Variants in ZBTB7C observed in about 807,000 individuals in gnomAD.
ZBTB7C encodes the protein zinc finger and BTB domain containing 7C, also known as zinc finger and BTB domain-containing protein 7C.
Under a neutral mutation model 25.7 loss-of-function variants are expected in ZBTB7C, and 8 were observed. The ratio of observed to expected loss-of-function variants is 0.31; its 90% CI spans 0.18 to 0.56. The LOEUF is 0.56. Ranked by LOEUF, ZBTB7C falls within the 20% of genes least tolerant of loss-of-function variation. The pLI, the probability that ZBTB7C is intolerant of heterozygous loss-of-function variation, is 0.91. For synonymous variants in ZBTB7C, 394 were observed against 369.0 expected (o/e 1.07, Z -0.78); for missense variants, 824 against 855.2 (o/e 0.96, Z 0.46).
At chr18:48,408,982 T>G (rs1053360866) in intron 1 of ZBTB7C, among the ~76,000 whole-genome samples, 9 of 138,770 alleles carry the variant, frequency 6.5e-5, no homozygotes, top group African/African-American at 2.4e-4. Flanking sequence ...AGCCCCTGAA[T>G]AGCCACCGCA....
At chr18:48,224,889 C>A (rs1458377246) in intron 2 of ZBTB7C, among the ~76,000 whole-genome samples, 1 of 152,206 alleles carries the variant, frequency 6.6e-6, no homozygotes, top group Admixed American at 6.5e-5. Flanking sequence ...TCTGTTAACT[C>A]AAGCAACTAC....
intron 3 of ZBTB7C, among the ~76,000 whole-genome samples, chr18:48,079,767 A>T (rs950367390): frequency 5.3e-5 from 8 of 152,164 alleles, no homozygotes; most frequent in Non-Finnish European, 1.0e-4. Flanking sequence ...CTGCCATTCC[A>T]CTTCGTGGGG....
At chr18:48,382,018 C>T (rs920105720) in intron 1 of ZBTB7C, among the ~76,000 whole-genome samples, 1 of 152,206 alleles carries the variant, frequency 6.6e-6, no homozygotes, top group African/African-American at 2.4e-5. Flanking sequence ...GCTTGTTATC[C>T]ATTGATGGGG....
chr18:48,035,787 C>T (rs554673402), intron 4 of ZBTB7C, among the ~76,000 whole-genome samples: 29 of 152,368 alleles, frequency 1.9e-4, no homozygotes, highest in African/African-American at 5.3e-4. Flanking sequence ...GCCATCCTAA[C>T]CTTTGGCTCC....
chr18:48,294,368 C>T (rs2045329206), intron 2 of ZBTB7C, among the ~76,000 whole-genome samples: 1 of 149,448 alleles, frequency 6.7e-6, no homozygotes, highest in Non-Finnish European at 1.5e-5. Context: ...CACTCCCAGG[C>T]CCCGTTCCTA....
intron 3 of ZBTB7C, among the ~76,000 whole-genome samples, chr18:48,107,476 C>T (rs984152124): frequency 1.3e-5 from 2 of 152,032 alleles, no homozygotes; most frequent in African/African-American, 4.8e-5. Context: ...ACTAACACAG[C>T]ACTGCCAGGC....
At chr18:48,152,069 T>A (rs2040696409) in intron 3 of ZBTB7C, among the ~76,000 whole-genome samples, 1 of 152,090 alleles carries the variant, frequency 6.6e-6, no homozygotes, top group Non-Finnish European at 1.5e-5. Context: ...CTTAGGAGTC[T>A]GAATATGGTG....
chr18:48,278,942 TG>T (rs2044749165), intron 2 of ZBTB7C, among the ~76,000 whole-genome samples: 1 of 149,714 alleles, frequency 6.7e-6, no homozygotes, highest in African/African-American at 2.5e-5. Flanking sequence ...TTTGCTTTCT[TG>T]TTTTTTTTTT....
chr18:48,308,916 CAG>C (rs143568410), intron 2 of ZBTB7C, among the ~76,000 whole-genome samples: 5,204 of 152,202 alleles, frequency 0.034, 169 homozygotes, highest in African/African-American at 0.084. Context: ...ATGCTTAAGT[CAG>C]AGAACCAAAG....
chr18:48,299,266 T>A (rs547960972), intron 2 of ZBTB7C, among the ~76,000 whole-genome samples: 31 of 152,278 alleles, frequency 2.0e-4, no homozygotes, highest in African/African-American at 7.5e-4. Context: ...CTTATCCCCA[T>A]AATTACTGGG....
chr18:48,197,136 G>T (rs954257001), intron 2 of ZBTB7C, among the ~76,000 whole-genome samples: 1 of 152,110 alleles, frequency 6.6e-6, no homozygotes, highest in African/African-American at 2.4e-5. Flanking sequence ...TGCATGCAAG[G>T]CCTGGAGCTG....
chr18:48,330,152 G>A (rs1011931506), intron 2 of ZBTB7C, among the ~76,000 whole-genome samples: 19 of 152,158 alleles, frequency 1.2e-4, no homozygotes, highest in African/African-American at 4.6e-4. Flanking sequence ...TAACAAGCTC[G>A]GAGGGAGCTA....
chr18:48,065,714 C>A (rs979799770), intron 3 of ZBTB7C, among the ~76,000 whole-genome samples: 1 of 152,182 alleles, frequency 6.6e-6, no homozygotes, highest in Non-Finnish European at 1.5e-5. Context: ...CCTGACCTCT[C>A]GCCCTGGCTC....
Position 48,228,991 on chromosome 18 carries a change from A to G in ZBTB7C, c.-78-42996T>C, listed in dbSNP as rs540851876. ...AGAGCCTCGAACCATCTGGAAACATAAGCACGGCAGGATTGTGCGAGGCTG... is the reference window on the plus strand; with the variant it reads ...AGAGCCTCGAACCATCTGGAAACATGAGCACGGCAGGATTGTGCGAGGCTG... On this transcript the variant is annotated intron_variant, in intron 2 of 4. Coordinates refer to ENST00000590800, the MANE Select transcript of ZBTB7C (RefSeq NM_001318841.2). 2.0e-5 allele frequency among the ~76,000 whole-genome samples: 3 copies of G among 151,220 alleles called. No homozygotes were observed. In the East Asian group the frequency reaches 5.8e-4, roughly 29 times the overall value.
chr18:48,293,579 C>T (rs1163505303), intron 2 of ZBTB7C, among the ~76,000 whole-genome samples: 1 of 152,020 alleles, frequency 6.6e-6, no homozygotes, highest in Non-Finnish European at 1.5e-5. Flanking sequence ...AAATGGCTCC[C>T]CAAATAGGCG....
chr18:48,148,857 G>T (rs1464290128), intron 3 of ZBTB7C: 3 of 152,312 alleles, frequency 2.0e-5, no homozygotes, highest in Non-Finnish European at 1.5e-5. Flanking sequence ...TTGTAAAGAA[G>T]AATCATCTTA....
intron 2 of ZBTB7C, among the ~76,000 whole-genome samples, chr18:48,272,979 G>A (rs79273795): frequency 0.065 from 9,835 of 152,222 alleles, 604 homozygotes; most frequent in East Asian, 0.18. Flanking sequence ...GTAGATTAAT[G>A]GTTTCCAGAG....
chr18:48,034,274 C>T (rs553826395), intron 4 of ZBTB7C, among the ~76,000 whole-genome samples: 1 of 152,130 alleles, frequency 6.6e-6, no homozygotes, highest in Non-Finnish European at 1.5e-5. Context: ...CTGCCTGCCC[C>T]CCATGGTACG....
chr18:48,353,697 C>T (rs2046913891), intron 1 of ZBTB7C, among the ~76,000 whole-genome samples: 1 of 152,188 alleles, frequency 6.6e-6, no homozygotes, highest in East Asian at 1.9e-4. Context: ...TTTGTGACAG[C>T]ATGAAAAGCC....
Sources: gnomAD v4.1 joint callset for allele counts (sites outside exome capture counted in the v4.1 genomes callset) on GRCh38, gnomAD v4.1.1 for gene constraint, MANE v1.5 for transcripts, NCBI Gene and HGNC (gene_info 2026-07-23, HGNC 2026-07-21) for gene names.